The following ZFHX3 variants were observed in gnomAD, a reference collection of about 807,000 sequenced individuals.
ZFHX3 encodes zinc finger homeobox protein 3.
A neutral mutation model predicts 279.1 loss-of-function variants in ZFHX3; 42 were observed. The observed-to-expected ratio is 0.15, with a 90% CI of 0.12 to 0.19. The LOEUF is 0.19. Among genes scored for constraint, ZFHX3 ranks in the 10% least tolerant of loss-of-function variants. The pLI, the probability that ZFHX3 is intolerant of heterozygous loss-of-function variation, is 1.00. For synonymous variants in ZFHX3, 2,293 were observed against 1,957.8 expected, an observed-to-expected ratio of 1.17 and a Z score of -4.52; for missense variants, 4,981 against 4,754.0, an observed-to-expected ratio of 1.05 and a Z score of -1.40.
chr16:73,611,552 A>C (rs1037950598), intron 2 of ZFHX3, among the ~76,000 whole-genome samples: 3 of 152,142 alleles, frequency 2.0e-5, no homozygotes, highest in Non-Finnish European at 4.4e-5. Context: ...ATGAATCTCA[A>C]CTTCTGAAGC....
intron 4 of ZFHX3, among the ~76,000 whole-genome samples, chr16:72,836,654 TA>T (rs904594039): frequency 2.0e-5 from 3 of 148,910 alleles, no homozygotes; most frequent in South Asian, 2.1e-4. Context: ...TCATCTAAAT[TA>T]AAAAAAAAAC....
intron 2 of ZFHX3, among the ~76,000 whole-genome samples, chr16:73,618,888 G>C (rs1187089118): frequency 6.6e-6 from 1 of 152,086 alleles, no homozygotes; most frequent in Admixed American, 6.6e-5. Flanking sequence ...TAGAATCCTG[G>C]CCTAATTTGT....
chr16:73,559,229 G>T (rs1344730333), intron 2 of ZFHX3, among the ~76,000 whole-genome samples: 1 of 151,676 alleles, frequency 6.6e-6, no homozygotes, highest in Non-Finnish European at 1.5e-5. Flanking sequence ...TTTTATTTTT[G>T]TAGAGGCAGG....
At chr16:73,699,101 T>G (rs1288319492) in intron 1 of ZFHX3, among the ~76,000 whole-genome samples, 1 of 152,176 alleles carries the variant, frequency 6.6e-6, no homozygotes, top group African/African-American at 2.4e-5. Context: ...ACCAGGATGG[T>G]CTCAGTCTCC....
rs760092834 is a variant in ZFHX3, at chr16:72,796,637, G to C, written c.6045C>G (p.Leu2015=). Reference sequence around the variant, plus strand: ...CTCTGTACTGTTTGGCAAACCTCTCGAGCTGTTTGAAAGGAAAGTAATTCT... The same window carrying C: ...CTCTGTACTGTTTGGCAAACCTCTCCAGCTGTTTGAAAGGAAAGTAATTCT... ...VHQNYFPFKQ[L]ERFAKQYRDH... Residue 2015 remains leucine, a synonymous_variant, in exon 9 of 10, where the codon CTC becomes CTG. Transcript: ENST00000268489. 1.9e-6 allele frequency: 3 copies of C among 1,614,044 alleles called. No individual in the cohort carries two copies.
rs141795526 is a variant in ZFHX3, at chr16:72,815,916, T to C, written c.3530-3878A>G. ...TGGAAACAATCTAGATATCTTACAATAGGGCATGGTATAAGTAAACAATGG... is the reference window on the plus strand; with the variant it reads ...TGGAAACAATCTAGATATCTTACAACAGGGCATGGTATAAGTAAACAATGG... On this transcript the variant is annotated intron_variant, in intron 5 of 9. Transcript: ENST00000268489. Among the ~76,000 whole-genome samples, 259 of 152,312 alleles carry C rather than the reference T, an allele frequency of 1.7e-3. 5 individuals carry two copies. Among genetic ancestry groups the C allele is most frequent in the East Asian group, 8.7e-3 (45 of 5,186 alleles).
intron 4 of ZFHX3, among the ~76,000 whole-genome samples, chr16:73,270,836 C>T (rs1415629397): frequency 1.3e-5 from 2 of 152,130 alleles, no homozygotes; most frequent in Non-Finnish European, 2.9e-5. Flanking sequence ...GCTGGGAGGT[C>T]CTCGGAGTTC....
chr16:73,482,422 C>T (rs2018885452), intron 2 of ZFHX3, among the ~76,000 whole-genome samples: 2 of 152,170 alleles, frequency 1.3e-5, no homozygotes, highest in Admixed American at 1.3e-4. Context: ...CGGCCCTTCA[C>T]ATCCCTTCTT....
chr16:72,798,727 A>AG lies in ZFHX3; in HGVS notation c.3968-14_3968-13insC. The stretch of plus-strand genomic sequence containing the variant: ...TCCTCTGAGGTTTCTGTTAAAAAAA[A>AG]AAAAAAAATCAAACCCAAAGATAAA... On this transcript the variant is annotated splice_polypyrimidine_tract_variant and intron_variant, in intron 8 of 9. Coordinates refer to ENST00000268489, the MANE Select transcript of ZFHX3 (RefSeq NM_006885.4). 6.6e-7 allele frequency: 1 copy of AG among 1,521,208 alleles called. No individual in the cohort carries two copies. The highest frequency in any genetic ancestry group is 2.3e-5 in the Admixed American group (1 of 44,402). The allele number at this position is 1,521,208 out of a possible 1,614,324, so 94.2% of individuals were successfully genotyped here.
At chr16:73,366,588 CAA>C (rs61090242) in intron 3 of ZFHX3, among the ~76,000 whole-genome samples, 2,859 of 121,828 alleles carry the variant, frequency 0.023, 83 homozygotes, top group African/African-American at 0.071. Context: ...AAACCAAAAC[CAA>C]AAAAAAAAAA....
chr16:72,973,206 C>T (rs909024288), intron 1 of ZFHX3, among the ~76,000 whole-genome samples: 9 of 152,294 alleles, frequency 5.9e-5, no homozygotes, highest in Non-Finnish European at 1.0e-4. Context: ...CCCTCACTGT[C>T]GGCCCTGGTC....
At chr16:73,325,906 C>CACAA (rs1244270585) in intron 3 of ZFHX3, among the ~76,000 whole-genome samples, 1 of 110,684 alleles carries the variant, frequency 9.0e-6, no homozygotes, top group African/African-American at 3.4e-5. Flanking sequence ...CACACAAACA[C>CACAA]ACACACACAC....
intron 2 of ZFHX3, among the ~76,000 whole-genome samples, chr16:73,512,899 A>G (rs576187378): frequency 1.3e-5 from 2 of 152,236 alleles, no homozygotes; most frequent in South Asian, 2.1e-4. Flanking sequence ...TAAGGACCAC[A>G]CTAGTGAAGC....
intron 3 of ZFHX3, chr16:73,455,936 T>A (rs184023935): frequency 7.2e-5 from 11 of 151,876 alleles, no homozygotes; most frequent in Admixed American, 5.9e-4. Flanking sequence ...CAAACCACAT[T>A]GCGTTATTTA....
intron 3 of ZFHX3, among the ~76,000 whole-genome samples, chr16:73,385,693 G>A (rs2016888880): frequency 6.6e-6 from 1 of 152,202 alleles, no homozygotes; most frequent in Non-Finnish European, 1.5e-5. Flanking sequence ...GACCTCCAGA[G>A]GTGGAGGACC....
At chr16:73,020,758 C>A (rs1260704716) in intron 1 of ZFHX3, among the ~76,000 whole-genome samples, 1 of 152,182 alleles carries the variant, frequency 6.6e-6, no homozygotes, top group Non-Finnish European at 1.5e-5. Context: ...CAGGGAGGCA[C>A]GGGCATGGTT....
At chr16:73,018,557 C>A (rs1013575540) in intron 1 of ZFHX3, among the ~76,000 whole-genome samples, 1 of 152,098 alleles carries the variant, frequency 6.6e-6, no homozygotes, top group Non-Finnish European at 1.5e-5. Flanking sequence ...CAAAATCACA[C>A]CACTGCACTC....
At chr16:73,566,491 G>C (rs2020452416) in intron 2 of ZFHX3, among the ~76,000 whole-genome samples, 1 of 152,102 alleles carries the variant, frequency 6.6e-6, no homozygotes, top group Non-Finnish European at 1.5e-5. Flanking sequence ...CCTAGCTTCT[G>C]GTGGCTCCGG....
intron 3 of ZFHX3, among the ~76,000 whole-genome samples, chr16:72,934,360 G>A (rs1394555039): frequency 2.0e-5 from 3 of 152,134 alleles, no homozygotes; most frequent in Non-Finnish European, 4.4e-5. Context: ...CCCGGGAGGC[G>A]AAGCTTGCAC....
Sources: allele counts gnomAD v4.1 joint callset (sites outside exome capture counted in the v4.1 genomes callset), GRCh38; gene constraint gnomAD v4.1.1; transcripts MANE v1.5; gene names NCBI Gene and HGNC (gene_info 2026-07-23, HGNC 2026-07-21).